The following RYR2 variants were observed in gnomAD, a reference collection of about 807,000 sequenced individuals.
RYR2 encodes cardiac muscle ryanodine receptor-calcium release channel.
In RYR2, 227 loss-of-function variants were observed where a neutral mutation model predicts 601.1. That is an observed-to-expected ratio of 0.38 (90% CI 0.34 to 0.42). The LOEUF is 0.42. RYR2 is among the 10% of genes least tolerant of loss of function. The pLI is 1.00. For synonymous variants in RYR2, 2,223 were observed against 2,175.1 expected, an observed-to-expected ratio of 1.02 and a Z score of -0.61; for missense variants, 4,646 against 6,156.5, an observed-to-expected ratio of 0.75 and a Z score of 8.21.
chr1:237,215,193 C>T (rs1336295444), intron 1 of RYR2, among the ~76,000 whole-genome samples: 2 of 152,140 alleles, frequency 1.3e-5, no homozygotes, highest in Admixed American at 6.5e-5. Flanking sequence ...ATTTGAAAAA[C>T]ATTCCAGGAG....
chr1:237,614,949 C>T lies in RYR2; in HGVS notation c.5715+106C>T. On this transcript the variant is annotated intron_variant, in intron 37 of 104. Transcript: ENST00000366574. The surrounding 1 kb of genome is among the most constrained non-coding windows in gnomAD (Gnocchi z 4.3). The stretch of plus-strand genomic sequence containing the variant: ...GTGTGTGTGTTTATTTCTTTGCATT[C>T]CTGTGTAATGGTAGTTCTTCATAAA... The T allele has an allele frequency of 8.8e-7, 1 of 1,137,520 alleles. No individual in the cohort carries two copies. The highest frequency in any genetic ancestry group is 1.2e-6 in the Non-Finnish European group (1 of 817,610). The allele number at this position is 1,137,520 out of a possible 1,614,324, so 70.5% of individuals were successfully genotyped here.
At chr1:237,240,546 G>A (rs927457320) in intron 1 of RYR2, among the ~76,000 whole-genome samples, 1 of 151,260 alleles carries the variant, frequency 6.6e-6, no homozygotes, top group African/African-American at 2.4e-5. Flanking sequence ...ATGATAAAAT[G>A]AGCGTGTTCT....
Position 237,763,791 on chromosome 1 carries a change from T to C in RYR2, c.11476+2763T>C, listed in dbSNP as rs6683008. On this transcript the variant is annotated intron_variant, in intron 84 of 104. Transcript: ENST00000366574. Reference sequence around the variant, plus strand: ...TATTAATATTACAGTATCTTCCAGATTGTTTTAAGAATTCCTATACAGACA... The same window carrying C: ...TATTAATATTACAGTATCTTCCAGACTGTTTTAAGAATTCCTATACAGACA... Among the ~76,000 whole-genome samples, 626 of 152,344 alleles carry C rather than the reference T, an allele frequency of 4.1e-3. 2 individuals carry two copies. Among genetic ancestry groups the C allele is most frequent in the African/African-American group, 0.013 (560 of 41,582 alleles).
chr1:237,525,608 G>A (rs983622656), intron 24 of RYR2, among the ~76,000 whole-genome samples: 5 of 151,884 alleles, frequency 3.3e-5, no homozygotes, highest in South Asian at 2.1e-4. Flanking sequence ...CCACCACCAC[G>A]CCTGGCTAAT....
At position 237,454,552 on chromosome 1, in the gene RYR2, G is replaced by A. The variant is rs752144775; in HGVS notation, c.1454G>A (p.Arg485Gln). The A allele has an allele frequency of 8.7e-5, 141 of 1,612,960 alleles. No individual in the cohort carries two copies. Among genetic ancestry groups the A allele is most frequent in the Admixed American group, 1.2e-4 (7 of 59,844 alleles). ...KQNRLRALKNRQNLFQEEGMI... is the reference protein window; with the variant it reads ...KQNRLRALKNQQNLFQEEGMI... ...AACAGACTACGAGCCCTGAAGAATC[G>A]GCAAAATCTCTTCCAGGAAGAGGTC... The change falls in exon 15 of 105, where the codon CGG becomes CAG. Residue 485 changes from arginine (R) to glutamine (Q), a missense_variant. This residue lies in a region of RYR2 where 1,807 missense variants were observed against 2,088.1 expected (regional missense o/e 0.87). Transcript: ENST00000366574.
chr1:237,728,874 A>C (rs777331568), intron 76 of RYR2, among the ~76,000 whole-genome samples: 1 of 152,132 alleles, frequency 6.6e-6, no homozygotes, highest in East Asian at 1.9e-4. Flanking sequence ...TAGGTGCAGC[A>C]AACCACCATG....
chr1:237,263,858 C>T (rs1397635941), intron 1 of RYR2, among the ~76,000 whole-genome samples: 1 of 151,872 alleles, frequency 6.6e-6, no homozygotes, highest in East Asian at 1.9e-4. Flanking sequence ...AACTTGCATT[C>T]TAGTGGGGGA....
Position 237,819,964 on chromosome 1 carries a change from A to T in RYR2, c.14590+772A>T, listed in dbSNP as rs941920530. ...CACTTTGAGAGACTGAGGTGGGTGG[A>T]TCACTTGAGGTCTGGAGTTCAAGAC... On this transcript the variant is annotated intron_variant, in intron 101 of 104. Transcript: ENST00000366574. The surrounding 1 kb of genome is among the most constrained non-coding windows in gnomAD (Gnocchi z 4.0). Among the ~76,000 whole-genome samples, 3 of 152,100 alleles carry T rather than the reference A, an allele frequency of 2.0e-5. No individual in the cohort carries two copies. The highest frequency in any genetic ancestry group is 2.9e-5 in the Non-Finnish European group (2 of 68,024).
chr1:237,202,110 T>C (rs1459513080), intron 1 of RYR2, among the ~76,000 whole-genome samples: 1 of 152,208 alleles, frequency 6.6e-6, no homozygotes, highest in East Asian at 1.9e-4. Flanking sequence ...CTATGAATTT[T>C]ATTGTACACA....
intron 1 of RYR2, among the ~76,000 whole-genome samples, chr1:237,096,298 G>A (rs1010165003): frequency 1.3e-5 from 2 of 152,180 alleles, no homozygotes; most frequent in Admixed American, 6.5e-5. Flanking sequence ...AAATCACATG[G>A]AACTCTTTTC....
chr1:237,379,618 G>T (rs1239222810), intron 8 of RYR2, among the ~76,000 whole-genome samples: 2 of 151,944 alleles, frequency 1.3e-5, no homozygotes, highest in Admixed American at 6.6e-5. Flanking sequence ...ACATTTTATT[G>T]TTTTTTTTAT....
chr1:237,153,523 T>C (rs957074351), intron 1 of RYR2, among the ~76,000 whole-genome samples: 3 of 152,148 alleles, frequency 2.0e-5, no homozygotes, highest in African/African-American at 7.2e-5. Flanking sequence ...GCAATACATT[T>C]GGAATAATGA....
At chr1:237,465,609 G>A (rs555837570) in intron 16 of RYR2, among the ~76,000 whole-genome samples, 1 of 152,334 alleles carries the variant, frequency 6.6e-6, no homozygotes, top group East Asian at 1.9e-4. Flanking sequence ...ATAGGGGATA[G>A]CCTACTGCAC....
At chr1:237,410,380 G>C (rs1207938086) in intron 10 of RYR2, among the ~76,000 whole-genome samples, 2 of 152,132 alleles carry the variant, frequency 1.3e-5, no homozygotes, top group African/African-American at 2.4e-5. Flanking sequence ...GATAAGGTAA[G>C]ACATTTCCTT....
chr1:237,497,380 T>C (rs1453492109), intron 20 of RYR2, among the ~76,000 whole-genome samples: 1 of 152,232 alleles, frequency 6.6e-6, no homozygotes, highest in African/African-American at 2.4e-5. Flanking sequence ...ATGAATACTT[T>C]ATATTAAAAA....
rs576731300 is a variant in RYR2, at chr1:237,458,711, G to A, written c.1612+1976G>A. On this transcript the variant is annotated intron_variant, in intron 16 of 104. Transcript: ENST00000366574. ...TGATAAAATAGGAAAGCATACCTAAGTATAGAAAGGAGATAATGCAAAAAA... is the reference window on the plus strand; with the variant it reads ...TGATAAAATAGGAAAGCATACCTAAATATAGAAAGGAGATAATGCAAAAAA... 3.3e-5 allele frequency among the ~76,000 whole-genome samples: 5 copies of A among 149,694 alleles called. No homozygotes were observed. The South Asian group carries it at 1.1e-3, about 32-fold the overall frequency.
intron 14 of RYR2, among the ~76,000 whole-genome samples, chr1:237,446,037 G>A (rs970348178): frequency 6.6e-6 from 1 of 152,058 alleles, no homozygotes; most frequent in Non-Finnish European, 1.5e-5. Context: ...GGATGAACTC[G>A]ATCTCTTGAC....
chr1:237,356,692 C>T (rs1699325420), intron 4 of RYR2, among the ~76,000 whole-genome samples: 1 of 151,958 alleles, frequency 6.6e-6, no homozygotes, highest in South Asian at 2.1e-4. Flanking sequence ...CTTTTGGTCT[C>T]GGTTTCCTTA....
At chr1:237,494,387 T>G (rs1262704959) in intron 19 of RYR2, among the ~76,000 whole-genome samples, 1 of 152,152 alleles carries the variant, frequency 6.6e-6, no homozygotes, top group Non-Finnish European at 1.5e-5. Flanking sequence ...GGGAGAAAGA[T>G]GAAGGATGGA....
Sources: allele counts gnomAD v4.1 joint callset (sites outside exome capture counted in the v4.1 genomes callset), GRCh38; gene constraint gnomAD v4.1.1; regional missense constraint gnomAD v4.1.1; non-coding constraint Gnocchi (gnomAD v3.1); transcripts MANE v1.5; gene names NCBI Gene and HGNC (gene_info 2026-07-23, HGNC 2026-07-21).